GABRA6: variants seen among roughly 807,000 people sequenced by gnomAD.
GABRA6 encodes the protein gamma-aminobutyric acid receptor subunit alpha-6.
GABRA6 carries 45 observed loss-of-function variants against 47.3 expected under a neutral mutation model. The ratio of observed to expected loss-of-function variants is 0.95; its 90% CI spans 0.75 to 1.22. The LOEUF (loss-of-function observed/expected upper bound fraction) is 1.22. Among genes scored for constraint, GABRA6 ranks in the 50% most tolerant of loss-of-function variants. GABRA6 has a pLI of 0.00. For missense variants in GABRA6, 583 were observed against 549.3 expected (o/e 1.06, Z -0.61); for synonymous variants, 219 against 194.7 (o/e 1.12, Z -1.04).
At chr5:161,687,123 A>G (rs550093911) in intron 3 of GABRA6, 120 bp downstream of exon 3, 1 of 814,808 alleles carries the variant, frequency 1.2e-6, no homozygotes, top group Admixed American at 1.9e-5. Flanking sequence ...CAATATTTGT[A>G]TTCATGCTGG....
Position 161,695,830 on chromosome 5 carries a change from C to T in GABRA6, c.1086+3630C>T, listed in dbSNP as rs559920352. 8.6e-4 allele frequency among the ~76,000 whole-genome samples: 131 copies of T among 151,894 alleles called. 1 individual carries two copies. Among genetic ancestry groups the T allele is most frequent in the African/African-American group, 3.1e-3 (129 of 41,422 alleles). ...TTTCTTTTTTTTTCTTTCCATCTGG[C>T]ACCTATTTATTGACTATTTATGCAT... On this transcript the variant is annotated intron_variant, in intron 8 of 8. Transcript: ENST00000274545.
chr5:161,692,289 G>GT, intron 8 of GABRA6, 89 bp downstream of exon 8: 1 of 1,496,860 alleles, frequency 6.7e-7, no homozygotes, highest in South Asian at 1.1e-5. Context: ...CAAAAGTAAT[G>GT]TGAGTTGAGC....
At position 161,701,515 on chromosome 5, in the gene GABRA6, T is replaced by G; in HGVS notation, c.1104T>G (p.Tyr368Ter). The G allele has an allele frequency of 6.2e-7, 1 of 1,614,190 alleles. No individual in the cohort carries two copies. Among genetic ancestry groups the G allele is most frequent in the South Asian group, 1.1e-5 (1 of 91,084 alleles). ...AEIVLHPDSK[Y>*]HLKKRITSLS... The stretch of plus-strand genomic sequence containing the variant: ...TTCCACAGCATCCTGACTCCAAATA[T>G]CATCTGAAGAAAAGGATCACTTCTC... The change falls in exon 9 of 9, where the codon TAT (tyrosine) becomes TAG (stop). Residue 368 changes from tyrosine to a stop codon, truncating the protein, a stop_gained. Transcript: ENST00000274545. LOFTEE classifies it high-confidence loss of function.
At chr5:161,686,153 C>A in intron 1 of GABRA6, 77 bp from the exon 2 acceptor site, 1 of 1,389,910 alleles carries the variant, frequency 7.2e-7, no homozygotes, top group Admixed American at 1.7e-5. Flanking sequence ...GTATTTGTAA[C>A]AGGGTGGAAT....
intron 3 of GABRA6, chr5:161,687,641 T>C: frequency 5.1e-6 from 2 of 395,164 alleles, no homozygotes; most frequent in South Asian, 3.7e-5. Flanking sequence ...CAGGTGGCAT[T>C]TCTCTCTAAA....
At chr5:161,693,829 T>C (rs73307576) in intron 8 of GABRA6, among the ~76,000 whole-genome samples, 12,644 of 151,960 alleles carry the variant, frequency 0.083, 609 homozygotes, top group African/African-American at 0.12. Context: ...GTAATAATAA[T>C]AATAATAATC....
At position 161,689,299 on chromosome 5, in the gene GABRA6, T is replaced by C. The variant is rs1162761078; in HGVS notation, c.492T>C (p.Pro164=). 1 of 1,614,058 alleles carries C rather than the reference T, an allele frequency of 6.2e-7. No individual in the cohort carries two copies. The highest frequency in any genetic ancestry group is 1.7e-5 in the Admixed American group (1 of 60,022). ...GTCCCATGAGGCTGGTTAACTTTCCTATGGATGGGCATGCTTGTCCACTCA... is the reference window on the plus strand; with the variant it reads ...GTCCCATGAGGCTGGTTAACTTTCCCATGGATGGGCATGCTTGTCCACTCA... ...ADCPMRLVNF[P]MDGHACPLKF... The change falls in exon 5 of 9, where the codon CCT becomes CCC. Residue 164 remains proline, a synonymous_variant. Transcript: ENST00000274545.
rs1417211401 is a variant in GABRA6 at position 161,701,529 on chromosome 5, G to A, written c.1118G>A (p.Arg373Lys). ...HPDSKYHLKK[R>K]ITSLSLPIVS... ...GACTCCAAATATCATCTGAAGAAAA[G>A]GATCACTTCTCTGTCTTTGCCAATA... is the stretch of plus-strand genomic sequence containing the variant. Residue 373 changes from arginine (R) to lysine (K), a missense_variant, in exon 9 of 9, where the codon AGG (arginine) becomes AAG (lysine). By Grantham distance (26) the Arg-to-Lys change is conservative (BLOSUM62 2). Coordinates refer to ENST00000274545, the MANE Select transcript of GABRA6 (RefSeq NM_000811.3). The A allele has an allele frequency of 5.0e-6, 8 of 1,614,078 alleles. No individual in the cohort carries two copies. Among genetic ancestry groups the A allele is most frequent in the Non-Finnish European group, 6.8e-6 (8 of 1,180,014 alleles).
chr5:161,685,924 A>C lies in GABRA6; in HGVS notation c.-66A>C. On this transcript the variant is annotated 5_prime_UTR_variant, in exon 1 of 9. Coordinates refer to ENST00000274545, the MANE Select transcript of GABRA6 (RefSeq NM_000811.3). ...AAAGATTTCTCCAGTTGATTGGCAG[A>C]GAAGAGCTGGCTAGCAGGGAGGACG... 3.9e-6 allele frequency: 5 copies of C among 1,270,850 alleles called. No homozygotes were observed. The highest frequency in any genetic ancestry group is 1.4e-5 in the African/African-American group (1 of 68,986). The allele number at this position is 1,270,850 out of a possible 1,614,324, so 78.7% of individuals were successfully genotyped here. A position where few individuals can be genotyped will look rare whatever the true frequency, so the allele number is the denominator to read the frequency against.
At chr5:161,692,264 A>G in intron 8 of GABRA6, 64 bp downstream of exon 8, 1 of 1,601,400 alleles carries the variant, frequency 6.2e-7, no homozygotes, top group Non-Finnish European at 8.6e-7. Flanking sequence ...AGTGATCAGA[A>G]ACAACGAAAG....
chr5:161,688,290 A>T (rs979862808), intron 3 of GABRA6, among the ~76,000 whole-genome samples: 5 of 152,284 alleles, frequency 3.3e-5, no homozygotes, highest in African/African-American at 9.6e-5. Context: ...TTTGTTATTG[A>T]CTTTTGCAAT....
chr5:161,689,510 G>T (rs751584840), intron 5 of GABRA6, 126 bp from the exon 6 acceptor site: 1 of 1,100,818 alleles, frequency 9.1e-7, no homozygotes, highest in African/African-American at 1.6e-5. Flanking sequence ...TAGTCACCAA[G>T]ATTAAAGAAA....
At chr5:161,696,781 C>T (rs80044814) in intron 8 of GABRA6, among the ~76,000 whole-genome samples, 7,771 of 152,212 alleles carry the variant, frequency 0.051, 277 homozygotes, top group Middle Eastern at 0.082. Flanking sequence ...CAACAGAGTT[C>T]TAATTTTCCC....
intron 8 of GABRA6, among the ~76,000 whole-genome samples, chr5:161,694,516 A>C (rs1483331926): frequency 6.6e-6 from 1 of 152,064 alleles, no homozygotes; most frequent in Non-Finnish European, 1.5e-5. Context: ...TTATTAATTT[A>C]AGATGGAATT....
At chr5:161,700,002 C>T (rs951667248) in intron 8 of GABRA6, among the ~76,000 whole-genome samples, 1 of 152,178 alleles carries the variant, frequency 6.6e-6, no homozygotes, top group Non-Finnish European at 1.5e-5. Context: ...AAACACATTT[C>T]TCCATGGCCC....
rs1581121367 is a variant in GABRA6, at chr5:161,689,028, G to T, written c.305G>T (p.Ser102Ile). ...TTTGGGGGGCCAACTGAGATTCTGA[G>T]TCTGAATAATTTGATGGTCAGTAAA... ...LKFGGPTEIL[S>I]LNNLMVSKIW... Residue 102 changes from serine (S) to isoleucine (I), a missense_variant, in exon 4 of 9, where the codon AGT (serine) becomes ATT (isoleucine). By Grantham distance (142) the Ser-to-Ile change is moderately radical. Coordinates refer to ENST00000274545, the MANE Select transcript of GABRA6 (RefSeq NM_000811.3). 1.2e-5 allele frequency: 20 copies of T among 1,614,026 alleles called. No individual in the cohort carries two copies. In the East Asian group the frequency reaches 4.5e-4, roughly 36 times the overall value.
rs1484824016 is a variant in GABRA6, at chr5:161,701,820, T to C, written c.*47T>C. The C allele has an allele frequency of 1.2e-5, 19 of 1,595,974 alleles. No individual in the cohort carries two copies. Among genetic ancestry groups the C allele is most frequent in the Middle Eastern group, 1.7e-4 (1 of 6,034 alleles). On this transcript the variant is annotated 3_prime_UTR_variant, in exon 9 of 9. Transcript: ENST00000274545. ...ATTCTATAAGTTCTTGTTTTCTGTT[T>C]CCTATGTTTTCTTAAAAAATAGCAT... is the stretch of plus-strand genomic sequence containing the variant.
chr5:161,691,419 C>T (rs1218949126), intron 7 of GABRA6, among the ~76,000 whole-genome samples: 1 of 150,838 alleles, frequency 6.6e-6, no homozygotes, highest in African/African-American at 2.4e-5. Context: ...CCTCAGCCTC[C>T]GGAGTAGCTG....
At chr5:161,692,245 A>G (rs766433512) in intron 8 of GABRA6, 45 bp downstream of exon 8, 1 of 1,611,920 alleles carries the variant, frequency 6.2e-7, no homozygotes, top group Admixed American at 1.7e-5. Flanking sequence ...AGGAAAAAGC[A>G]GCCTAAATAG....
Sources: gnomAD v4.1 joint callset for allele counts (sites outside exome capture counted in the v4.1 genomes callset) on GRCh38, gnomAD v4.1.1 for gene constraint, MANE v1.5 for transcripts, NCBI Gene and HGNC (gene_info 2026-07-23, HGNC 2026-07-21) for gene names.